The following RALYL variants were observed in gnomAD, a reference collection of about 807,000 sequenced individuals.
RALYL encodes the protein RALY RNA binding protein like.
Under a neutral mutation model 35.1 loss-of-function variants are expected in RALYL, and 29 were observed. The observed-to-expected ratio is 0.83, with a 90% CI of 0.61 to 1.13. RALYL has a LOEUF of 1.13. RALYL is among the 50% of genes most tolerant of loss of function. The pLI is 0.00. For synonymous variants in RALYL, 120 were observed against 127.6 expected (o/e 0.94, Z 0.40); for missense variants, 359 against 360.4 (o/e 1.00, Z 0.03).
At chr8:84,419,832 G>A (rs2045270946) in intron 1 of RALYL, among the ~76,000 whole-genome samples, 1 of 151,332 alleles carries the variant, frequency 6.6e-6, no homozygotes, top group African/African-American at 2.4e-5. Flanking sequence ...TACTGAGAAT[G>A]ATGATTTCCA....
intron 3 of RALYL, among the ~76,000 whole-genome samples, chr8:84,795,004 C>T (rs1292661624): frequency 2.0e-5 from 3 of 152,144 alleles, no homozygotes; most frequent in African/African-American, 7.2e-5. Flanking sequence ...GAGTTAGCAG[C>T]CCAGATGGTG....
At chr8:84,232,029 A>G (rs1228721788) in intron 1 of RALYL, among the ~76,000 whole-genome samples, 1 of 152,200 alleles carries the variant, frequency 6.6e-6, no homozygotes, top group Non-Finnish European at 1.5e-5. Context: ...GGCTTTAATA[A>G]AGCCAGCTAA....
chr8:84,620,009 C>T (rs1244039583), intron 2 of RALYL, among the ~76,000 whole-genome samples: 1 of 152,052 alleles, frequency 6.6e-6, no homozygotes, highest in Non-Finnish European at 1.5e-5. Flanking sequence ...CGACCTTTCT[C>T]TCTGGCTGCC....
chr8:84,520,415 C>T (rs773653794), intron 1 of RALYL, among the ~76,000 whole-genome samples: 9 of 152,094 alleles, frequency 5.9e-5, no homozygotes, highest in Admixed American at 3.9e-4. Context: ...GTGATACCAC[C>T]GTATGATCTT....
At chr8:84,391,512 T>C (rs1277129544) in intron 1 of RALYL, among the ~76,000 whole-genome samples, 1 of 152,016 alleles carries the variant, frequency 6.6e-6, no homozygotes, top group Non-Finnish European at 1.5e-5. Flanking sequence ...CCAAACCTCC[T>C]TTTCAGTTCA....
rs757016069 is a variant in RALYL at position 84,529,443 on chromosome 8, T to G, written c.122T>G (p.Ile41Ser). 8 of 1,613,504 alleles carry G rather than the reference T, an allele frequency of 5.0e-6. No homozygotes were observed. The highest frequency in any genetic ancestry group is 3.3e-5 in the Admixed American group (2 of 59,860). ...AIVKKVDIEA[I>S]FSKYGKIVGC... Reference sequence around the variant, plus strand: ...GTCAAGAAAGTTGACATTGAAGCCATTTTTTCAAAGTATGGAAAAATAGTT... The same window carrying G: ...GTCAAGAAAGTTGACATTGAAGCCAGTTTTTCAAAGTATGGAAAAATAGTT... Residue 41 changes from isoleucine (I) to serine (S), a missense_variant, in exon 2 of 9, where the codon ATT (isoleucine) becomes AGT (serine). Ile to Ser is a moderately radical substitution (Grantham distance 142). Transcript: ENST00000521268.
chr8:84,914,571 A>C (rs557211909), intron 8 of RALYL, among the ~76,000 whole-genome samples: 1 of 151,694 alleles, frequency 6.6e-6, no homozygotes, highest in East Asian at 1.9e-4. Flanking sequence ...AATGTGACTA[A>C]ATTTTTTGAA....
At chr8:84,637,471 G>A (rs2131323318) in intron 2 of RALYL, among the ~76,000 whole-genome samples, 1 of 151,952 alleles carries the variant, frequency 6.6e-6, no homozygotes, top group Non-Finnish European at 1.5e-5. Flanking sequence ...TCCAACCACT[G>A]GCTGCTTGCA....
intron 1 of RALYL, among the ~76,000 whole-genome samples, chr8:84,357,858 G>T (rs1374717738): frequency 6.7e-6 from 1 of 148,904 alleles, no homozygotes; most frequent in African/African-American, 2.5e-5. Flanking sequence ...CTCAAAAAAT[G>T]GTTAACTGGC....
chr8:84,559,692 AT>A (rs917700103), intron 2 of RALYL, among the ~76,000 whole-genome samples: 2 of 152,080 alleles, frequency 1.3e-5, no homozygotes, highest in African/African-American at 4.8e-5. Flanking sequence ...TGAAAATAAA[AT>A]TATGTTAATG....
chr8:84,683,661 T>G (rs183341653), intron 2 of RALYL, among the ~76,000 whole-genome samples: 8 of 152,196 alleles, frequency 5.3e-5, no homozygotes, highest in African/African-American at 1.9e-4. Context: ...TAGGTTTTTT[T>G]GTTTTGTTGT....
intron 6 of RALYL, among the ~76,000 whole-genome samples, chr8:84,869,784 G>T (rs760600667): frequency 6.6e-5 from 10 of 152,220 alleles, no homozygotes; most frequent in East Asian, 1.9e-4. Context: ...ACCCAAAGAT[G>T]ATTAAAATAA....
At chr8:84,315,818 G>GA (rs59056772) in intron 1 of RALYL, among the ~76,000 whole-genome samples, 14,155 of 134,326 alleles carry the variant, frequency 0.11, 880 homozygotes, top group African/African-American at 0.19. Context: ...CCCACTGCCT[G>GA]AAAAAAAAAA....
intron 2 of RALYL, among the ~76,000 whole-genome samples, chr8:84,751,692 G>A (rs1222137666): frequency 6.6e-6 from 1 of 152,022 alleles, no homozygotes; most frequent in Non-Finnish European, 1.5e-5. Context: ...ATATGATGAA[G>A]TATGTAGCAC....
chr8:84,913,219 A>G (rs1219476577), intron 8 of RALYL, among the ~76,000 whole-genome samples: 2 of 152,010 alleles, frequency 1.3e-5, no homozygotes, highest in Non-Finnish European at 2.9e-5. Context: ...TCTAGTCATC[A>G]TGAGTCTTGT....
intron 2 of RALYL, among the ~76,000 whole-genome samples, chr8:84,727,644 C>G (rs1020752787): frequency 1.4e-5 from 2 of 139,240 alleles, no homozygotes; most frequent in African/African-American, 5.3e-5. Context: ...CACAACAGTC[C>G]CCAGAGTGTG....
intron 1 of RALYL, among the ~76,000 whole-genome samples, chr8:84,379,831 A>G (rs556700376): frequency 4.8e-4 from 73 of 151,686 alleles, no homozygotes; most frequent in African/African-American, 1.7e-3. Flanking sequence ...CCAAATCTGG[A>G]AACATCTTAG....
intron 2 of RALYL, among the ~76,000 whole-genome samples, chr8:84,604,751 A>T (rs1438357749): frequency 2.6e-5 from 4 of 152,092 alleles, no homozygotes; most frequent in Non-Finnish European, 5.9e-5. Context: ...CACATTCGGG[A>T]TTTGTTACCA....
chr8:84,751,061 A>G (rs1269495472), intron 2 of RALYL, among the ~76,000 whole-genome samples: 2 of 152,096 alleles, frequency 1.3e-5, no homozygotes, highest in South Asian at 2.1e-4. Flanking sequence ...TTTATCGGCC[A>G]TATCACTGTG....
Sources: allele counts gnomAD v4.1 joint callset (sites outside exome capture counted in the v4.1 genomes callset), GRCh38; gene constraint gnomAD v4.1.1; transcripts MANE v1.5; gene names NCBI Gene and HGNC (gene_info 2026-07-23, HGNC 2026-07-21).